Variants in MARCHF3 observed in about 807,000 individuals in gnomAD.
MARCHF3 encodes E3 ubiquitin-protein ligase MARCHF3.
A neutral mutation model predicts 24.2 loss-of-function variants in MARCHF3; 13 were observed. That is an observed-to-expected ratio of 0.54 (90% CI 0.35 to 0.85). The LOEUF (loss-of-function observed/expected upper bound fraction) is 0.85, where lower values mean the gene tolerates loss of function less well. MARCHF3 is among the 40% of genes least tolerant of loss of function. The probability of loss-of-function intolerance (pLI) is 0.01; values close to 1 mark genes in which losing one functional copy is unlikely to be tolerated. For synonymous variants in MARCHF3, 144 were observed against 137.3 expected (o/e 1.05, Z -0.34); for missense variants, 276 against 325.0 (o/e 0.85, Z 1.16).
intron 1 of MARCHF3, among the ~76,000 whole-genome samples, chr5:126,992,465 G>T (rs1751799124): frequency 6.6e-6 from 1 of 152,124 alleles, no homozygotes; most frequent in Non-Finnish European, 1.5e-5. Flanking sequence ...ATCATTTTCC[G>T]TTTGCTTTCT....
At chr5:126,978,464 G>T (rs2126834268) in intron 1 of MARCHF3, among the ~76,000 whole-genome samples, 1 of 152,260 alleles carries the variant, frequency 6.6e-6, no homozygotes, top group Non-Finnish European at 1.5e-5. Flanking sequence ...AGATACTAAG[G>T]TTTCTTTTCA....
chr5:126,878,137 G>A (rs746962088), intron 4 of MARCHF3, 48 bp downstream of exon 4: 1 of 1,583,358 alleles, frequency 6.3e-7, no homozygotes, highest in East Asian at 2.2e-5. Context: ...CCAGCTGTGA[G>A]GCTGCCAGCT....
chr5:126,966,384 G>A (rs965761487), intron 1 of MARCHF3, among the ~76,000 whole-genome samples: 2 of 152,178 alleles, frequency 1.3e-5, no homozygotes, highest in East Asian at 3.9e-4. Context: ...TTAGAAGGCA[G>A]TATACATTAA....
At chr5:126,904,352 TG>T (rs1444457950) in intron 3 of MARCHF3, among the ~76,000 whole-genome samples, 4,438 of 150,738 alleles carry the variant, frequency 0.029, 226 homozygotes, top group African/African-American at 0.1. Context: ...CTGGGTCAAA[TG>T]GTATTTCTAG....
intron 3 of MARCHF3, among the ~76,000 whole-genome samples, chr5:126,894,873 G>A (rs1753818425): frequency 6.6e-6 from 1 of 151,656 alleles, no homozygotes; most frequent in Non-Finnish European, 1.5e-5. Flanking sequence ...CTAGATTGGG[G>A]AAGTTCTCCT....
At chr5:127,012,619 A>C (rs187656537) in intron 1 of MARCHF3, among the ~76,000 whole-genome samples, 10 of 152,342 alleles carry the variant, frequency 6.6e-5, no homozygotes, top group Non-Finnish European at 1.5e-4. Flanking sequence ...ACAGAGACAC[A>C]GGATATGTTA....
intron 1 of MARCHF3, among the ~76,000 whole-genome samples, chr5:126,973,282 T>C (rs1183820951): frequency 6.6e-6 from 1 of 152,254 alleles, no homozygotes. Context: ...ATAGTTCCTT[T>C]AGGCTGCTGT....
At chr5:126,899,911 C>T (rs1285393571) in intron 3 of MARCHF3, among the ~76,000 whole-genome samples, 1 of 152,072 alleles carries the variant, frequency 6.6e-6, no homozygotes, top group African/African-American at 2.4e-5. Context: ...GATGAACCTA[C>T]CTTGACACAT....
At chr5:126,968,441 G>C (rs1750890286) in intron 1 of MARCHF3, among the ~76,000 whole-genome samples, 1 of 152,222 alleles carries the variant, frequency 6.6e-6, no homozygotes, top group South Asian at 2.1e-4. Context: ...TAGTGGATGT[G>C]AAATGGCATC....
At chr5:126,962,793 T>C (rs1278520485) in intron 1 of MARCHF3, among the ~76,000 whole-genome samples, 1 of 150,038 alleles carries the variant, frequency 6.7e-6, no homozygotes, top group Non-Finnish European at 1.5e-5. Context: ...TCCCAGCATT[T>C]TGAATATGGA....
chr5:126,875,954 T>C (rs1338497796), intron 4 of MARCHF3, among the ~76,000 whole-genome samples: 3 of 152,216 alleles, frequency 2.0e-5, no homozygotes, highest in African/African-American at 7.2e-5. Flanking sequence ...GTTATTAGGG[T>C]GATAAATCTT....
At chr5:126,894,479 C>A (rs1390772044) in intron 3 of MARCHF3, among the ~76,000 whole-genome samples, 1 of 150,910 alleles carries the variant, frequency 6.6e-6, no homozygotes, top group African/African-American at 2.4e-5. Context: ...TTAGGGCAGG[C>A]CTGGTGGTGA....
At chr5:127,018,102 A>C (rs1752684772) in intron 1 of MARCHF3, among the ~76,000 whole-genome samples, 1 of 152,224 alleles carries the variant, frequency 6.6e-6, no homozygotes. Context: ...CACGTGCGGC[A>C]GCTCATGCCT....
At position 126,888,068 on chromosome 5, in the gene MARCHF3, T is replaced by C. The variant is rs755551204; in HGVS notation, c.394-9674A>G. Among the ~76,000 whole-genome samples the C allele has an allele frequency of 6.6e-5, 10 of 152,360 alleles. No homozygotes were observed. The South Asian group carries it at 1.5e-3, about 22-fold the overall frequency. On this transcript the variant is annotated intron_variant, in intron 3 of 4. Transcript: ENST00000308660. ...ATATCTAATTTGTGCTTGATAAATA[T>C]TAGCTGAAGAAATAAATCCTTCTAA...
At chr5:126,888,732 A>G (rs1753578146) in intron 3 of MARCHF3, among the ~76,000 whole-genome samples, 1 of 152,208 alleles carries the variant, frequency 6.6e-6, no homozygotes, top group Non-Finnish European at 1.5e-5. Context: ...AAAAGTAGAT[A>G]TTATTTATTT....
Position 127,014,501 on chromosome 5 carries a change from C to CA in MARCHF3, c.-57+15848dup, listed in dbSNP as rs529462432. Among the ~76,000 whole-genome samples, 446 of 152,298 alleles carry CA rather than the reference C, an allele frequency of 2.9e-3. 3 individuals carry two copies. The highest frequency in any genetic ancestry group is 0.024 in the Middle Eastern group (7 of 294). On this transcript the variant is annotated intron_variant, in intron 1 of 4. Transcript: ENST00000308660. ...AGTTAATATACTGAAGAGATATCTG[C>CA]AGCCCCATGTTTATTACAGCACTAT...
chr5:126,923,309 C>G (rs776492536), intron 1 of MARCHF3, among the ~76,000 whole-genome samples: 2 of 152,188 alleles, frequency 1.3e-5, no homozygotes, highest in African/African-American at 2.4e-5. Flanking sequence ...ATCCCAAGGC[C>G]CTTTTCAGGC....
chr5:127,015,022 TATG>T (rs907540909), intron 1 of MARCHF3, among the ~76,000 whole-genome samples: 15 of 152,190 alleles, frequency 9.9e-5, no homozygotes, highest in Admixed American at 6.5e-4. Flanking sequence ...AGATGATAGA[TATG>T]ATAATTACCC....
At position 126,974,941 on chromosome 5, in the gene MARCHF3, A is replaced by G. The variant is rs376737158; in HGVS notation, c.-57+55409T>C. ...CTGAAATCTATATTTAAAGTGGGAT[A>G]TAACATTCTTTTTTTCAAAATTTAT... is the stretch of plus-strand genomic sequence containing the variant. On this transcript the variant is annotated intron_variant, in intron 1 of 4. Coordinates refer to ENST00000308660, the MANE Select transcript of MARCHF3 (RefSeq NM_178450.5). 2.9e-3 allele frequency among the ~76,000 whole-genome samples: 437 copies of G among 152,318 alleles called. 1 individual carries two copies. The highest frequency in any genetic ancestry group is 5.0e-3 in the Non-Finnish European group (337 of 68,022).
Sources: allele counts gnomAD v4.1 joint callset (sites outside exome capture counted in the v4.1 genomes callset), GRCh38; gene constraint gnomAD v4.1.1; transcripts MANE v1.5; gene names NCBI Gene and HGNC (gene_info 2026-07-23, HGNC 2026-07-21).